STAU2: variants seen among roughly 807,000 people sequenced by gnomAD.
STAU2 encodes double-stranded RNA-binding protein Staufen homolog 2.
In STAU2, 20 loss-of-function variants were observed where a neutral mutation model predicts 65.9. The ratio of observed to expected loss-of-function variants is 0.30; its 90% CI spans 0.21 to 0.44. STAU2 has a LOEUF of 0.44. Among genes scored for constraint, STAU2 ranks in the 20% least tolerant of loss-of-function variants. The pLI is 1.00. For missense variants in STAU2, 558 were observed against 683.9 expected (o/e 0.82, Z 2.05); for synonymous variants, 232 against 233.9 (o/e 0.99, Z 0.07).
intron 13 of STAU2, among the ~76,000 whole-genome samples, chr8:73,491,124 A>G (rs563540107): frequency 6.6e-6 from 1 of 152,166 alleles, no homozygotes; most frequent in South Asian, 2.1e-4. Flanking sequence ...TAAATGTTGA[A>G]TGAGGTAGAA....
At chr8:73,718,199 T>C (rs1298945095) in intron 3 of STAU2, among the ~76,000 whole-genome samples, 1 of 152,202 alleles carries the variant, frequency 6.6e-6, no homozygotes, top group East Asian at 1.9e-4. Context: ...TAGTATGTAT[T>C]ACTAATATAT....
At chr8:73,742,190 C>T in intron 1 of STAU2, 6 of 985,070 alleles carry the variant, frequency 6.1e-6, no homozygotes, top group Non-Finnish European at 6.0e-6. Context: ...AATATCAAGA[C>T]ATATCAATAA....
At chr8:73,722,687 A>G (rs1821768982) in intron 3 of STAU2, among the ~76,000 whole-genome samples, 1 of 151,956 alleles carries the variant, frequency 6.6e-6, no homozygotes, top group Non-Finnish European at 1.5e-5. Context: ...TGCTTTTCAG[A>G]TTTTCTCTTT....
chr8:73,432,665 G>A (rs76735843), intron 13 of STAU2, among the ~76,000 whole-genome samples: 10,355 of 152,088 alleles, frequency 0.068, 928 homozygotes, highest in African/African-American at 0.21. Context: ...AATAAAAAAA[G>A]GATTATATTG....
rs187397126 is a variant in STAU2, at chr8:73,509,932, C to T, written c.1530+42080G>A. ...TGTTGGCATAAAACTGTTAGAAATG[C>T]TTATTTTTTAAATTTCACAAAATTC... On this transcript the variant is annotated intron_variant, in intron 13 of 14. Coordinates refer to ENST00000524300, the MANE Select transcript of STAU2 (RefSeq NM_001164380.2). Among the ~76,000 whole-genome samples the T allele has an allele frequency of 3.9e-5, 6 of 152,224 alleles. No individual in the cohort carries two copies. The East Asian group carries it at 9.6e-4, about 24-fold the overall frequency.
intron 3 of STAU2, among the ~76,000 whole-genome samples, chr8:73,734,390 T>C (rs1266924710): frequency 2.0e-5 from 3 of 152,128 alleles, no homozygotes; most frequent in African/African-American, 7.2e-5. Context: ...GGAACATCCA[T>C]GTTCTATGAT....
intron 4 of STAU2, among the ~76,000 whole-genome samples, chr8:73,701,719 C>G (rs1286088190): frequency 1.3e-5 from 2 of 152,118 alleles, no homozygotes; most frequent in African/African-American, 4.8e-5. Flanking sequence ...ATCCAGCAAT[C>G]CCGCTGCTGG....
At chr8:73,463,721 T>G (rs1301855053) in intron 13 of STAU2, among the ~76,000 whole-genome samples, 1 of 152,254 alleles carries the variant, frequency 6.6e-6, no homozygotes, top group Non-Finnish European at 1.5e-5. Context: ...CTCTGTTCCT[T>G]GTTTATCTCA....
intron 3 of STAU2, among the ~76,000 whole-genome samples, chr8:73,712,972 G>A (rs1821000970): frequency 2.0e-5 from 3 of 152,052 alleles, no homozygotes; most frequent in African/African-American, 7.2e-5. Flanking sequence ...TTCTGTAGTA[G>A]TCTGTGAAAA....
chr8:73,727,316 G>C (rs1308379661), intron 3 of STAU2, among the ~76,000 whole-genome samples: 2 of 152,166 alleles, frequency 1.3e-5, no homozygotes, highest in Non-Finnish European at 2.9e-5. Flanking sequence ...CCTATACCTA[G>C]TTCCAAAACA....
In STAU2 at chr8:73,424,966, C is replaced by T. The variant is rs13254389; in HGVS notation, c.1531-2264G>A. Reference sequence around the variant, plus strand: ...TAATCTCTTTGGACCTGGAGTGCTGCAGGGAGAAGGTCAGTGATGCCACCC... The same window carrying T: ...TAATCTCTTTGGACCTGGAGTGCTGTAGGGAGAAGGTCAGTGATGCCACCC... On this transcript the variant is annotated intron_variant, in intron 13 of 14. Transcript: ENST00000524300. Among the ~76,000 whole-genome samples, 868 of 152,174 alleles carry T rather than the reference C, an allele frequency of 5.7e-3. 1 individual carries two copies. Among genetic ancestry groups the T allele is most frequent in the Non-Finnish European group, 8.8e-3 (601 of 68,010 alleles).
chr8:73,438,336 C>T (rs577272520), intron 13 of STAU2, among the ~76,000 whole-genome samples: 5 of 152,208 alleles, frequency 3.3e-5, no homozygotes, highest in African/African-American at 7.2e-5. Context: ...AGGACAGCGA[C>T]GGCAGTGGAA....
intron 12 of STAU2, among the ~76,000 whole-genome samples, chr8:73,571,783 C>A (rs934376186): frequency 2.0e-5 from 3 of 152,104 alleles, no homozygotes; most frequent in African/African-American, 7.2e-5. Context: ...TAAATGCCCA[C>A]AAGAGAAAGC....
intron 3 of STAU2, chr8:73,732,985 C>T (rs930796790): frequency 1.3e-5 from 2 of 151,784 alleles, no homozygotes; most frequent in Non-Finnish European, 2.9e-5. Flanking sequence ...ACACTCTAGA[C>T]TTTGTTTCTT....
At chr8:73,464,882 G>A (rs575555004) in intron 13 of STAU2, among the ~76,000 whole-genome samples, 3 of 152,288 alleles carry the variant, frequency 2.0e-5, no homozygotes, top group Admixed American at 2.0e-4. Context: ...CTCTTTGTAA[G>A]CAATTTCAGA....
intron 11 of STAU2, among the ~76,000 whole-genome samples, chr8:73,594,842 AC>A (rs1191780672): frequency 1.8e-4 from 28 of 152,320 alleles, no homozygotes; most frequent in African/African-American, 6.5e-4. Flanking sequence ...AAGGCTAACA[AC>A]CTGTGTTCTT....
chr8:73,425,424 G>C (rs994617993), intron 13 of STAU2, among the ~76,000 whole-genome samples: 1 of 152,154 alleles, frequency 6.6e-6, no homozygotes, highest in Admixed American at 6.5e-5. Flanking sequence ...GTGAGGAGAG[G>C]GGCCTGGGAC....
intron 12 of STAU2, among the ~76,000 whole-genome samples, chr8:73,554,459 G>A (rs569530734): frequency 6.6e-6 from 1 of 152,352 alleles, no homozygotes; most frequent in East Asian, 1.9e-4. Context: ...GGCATTGGAT[G>A]CGTGGTATAC....
chr8:73,637,990 T>C (rs1297645179), intron 6 of STAU2, among the ~76,000 whole-genome samples: 1 of 151,864 alleles, frequency 6.6e-6, no homozygotes, highest in Admixed American at 6.6e-5. Context: ...TGACATGGAA[T>C]GCTGTTTAAG....
Sources: allele counts gnomAD v4.1 joint callset (sites outside exome capture counted in the v4.1 genomes callset), GRCh38; gene constraint gnomAD v4.1.1; transcripts MANE v1.5; gene names NCBI Gene and HGNC (gene_info 2026-07-23, HGNC 2026-07-21).